Variants in AGBL1 observed in about 807,000 individuals in gnomAD.
AGBL1 encodes the protein cytosolic carboxypeptidase 4.
In AGBL1, 130 loss-of-function variants were observed where a neutral mutation model predicts 118.9. The ratio of observed to expected loss-of-function variants is 1.09; its 90% CI spans 0.95 to 1.26. AGBL1 has a LOEUF of 1.26. AGBL1 is among the 50% of genes most tolerant of loss of function. The pLI is 0.00. For synonymous variants in AGBL1, 555 were observed against 478.9 expected (o/e 1.16, Z -2.08); for missense variants, 1,584 against 1,298.1 (o/e 1.22, Z -3.38).
chr15:86,982,626 A>G (rs956028392), intron 23 of AGBL1, among the ~76,000 whole-genome samples: 1 of 152,180 alleles, frequency 6.6e-6, no homozygotes, highest in African/African-American at 2.4e-5. Context: ...AGCCTACTCA[A>G]TGTGAAGAAA....
At chr15:86,148,042 G>A (rs1471125409) in intron 3 of AGBL1, among the ~76,000 whole-genome samples, 1 of 152,212 alleles carries the variant, frequency 6.6e-6, no homozygotes, top group East Asian at 1.9e-4. Context: ...TGAGGGACCT[G>A]ACTGTCAGGA....
intron 2 of AGBL1, among the ~76,000 whole-genome samples, chr15:86,142,948 G>A (rs973502862): frequency 1.3e-5 from 2 of 152,154 alleles, no homozygotes; most frequent in African/African-American, 2.4e-5. Context: ...TCAGATGGTC[G>A]TCTTTGATAA....
intron 21 of AGBL1, among the ~76,000 whole-genome samples, chr15:86,586,466 G>T (rs899938779): frequency 6.6e-6 from 1 of 152,106 alleles, no homozygotes; most frequent in African/African-American, 2.4e-5. Context: ...GAAAATTAGG[G>T]CAGAGAATAG....
At chr15:86,821,487 G>A (rs1333323276) in intron 22 of AGBL1, among the ~76,000 whole-genome samples, 1 of 152,002 alleles carries the variant, frequency 6.6e-6, no homozygotes, top group Non-Finnish European at 1.5e-5. Flanking sequence ...AACAGAGAGG[G>A]AATGGAATAC....
At chr15:86,655,476 A>C (rs2085447832) in intron 21 of AGBL1, among the ~76,000 whole-genome samples, 1 of 152,166 alleles carries the variant, frequency 6.6e-6, no homozygotes, top group African/African-American at 2.4e-5. Flanking sequence ...GGTAATCAAT[A>C]ATTTCCCGTT....
At chr15:86,597,005 A>G (rs910129173) in intron 21 of AGBL1, among the ~76,000 whole-genome samples, 2 of 152,222 alleles carry the variant, frequency 1.3e-5, no homozygotes, top group South Asian at 4.1e-4. Flanking sequence ...ATAAATTCAC[A>G]TGGAATAAAT....
intron 1 of AGBL1, among the ~76,000 whole-genome samples, chr15:86,126,015 G>T (rs1005008118): frequency 6.6e-6 from 1 of 152,046 alleles, no homozygotes; most frequent in Non-Finnish European, 1.5e-5. Flanking sequence ...CTGGCTAATT[G>T]CCAAACATTC....
rs544258461 is a variant in AGBL1 at position 86,914,591 on chromosome 15, G to A, written c.*7297G>A. On this transcript the variant is annotated 3_prime_UTR_variant, in exon 23 of 23. Transcript: ENST00000614907. ...GTATCTATAATAGTCTAAGACCATC[G>A]CAGGTGTCATCATGTTTAAGCCTAA... 2.0e-5 allele frequency: 3 copies of A among 152,236 alleles called. No individual in the cohort carries two copies. Among genetic ancestry groups the A allele is most frequent in the South Asian group, 2.1e-4 (1 of 4,818 alleles). The allele number at this position is 152,236 out of a possible 1,614,324, so 9.4% of individuals were successfully genotyped here.
At chr15:86,954,720 C>G (rs767093036) in intron 23 of AGBL1, among the ~76,000 whole-genome samples, 1 of 152,138 alleles carries the variant, frequency 6.6e-6, no homozygotes. Flanking sequence ...CCCTGGGTGA[C>G]AAGATCCATT....
intron 16 of AGBL1, among the ~76,000 whole-genome samples, chr15:86,293,239 C>T (rs149469982): frequency 7.2e-5 from 11 of 152,262 alleles, no homozygotes; most frequent in African/African-American, 2.4e-4. Flanking sequence ...TCAACAGGAA[C>T]AGGTACTTTT....
intron 22 of AGBL1, among the ~76,000 whole-genome samples, chr15:86,790,454 A>T (rs1205638963): frequency 6.6e-6 from 1 of 151,926 alleles, no homozygotes; most frequent in African/African-American, 2.4e-5. Flanking sequence ...CCTCTATCTT[A>T]ATAGGTGTTT....
intron 21 of AGBL1, among the ~76,000 whole-genome samples, chr15:86,603,765 G>A (rs762840327): frequency 1.6e-4 from 24 of 152,136 alleles, no homozygotes; most frequent in Admixed American, 3.9e-4. Context: ...AAATGTGAAA[G>A]CTTATCCTTT....
At chr15:86,823,304 C>A (rs80116056) in intron 22 of AGBL1, among the ~76,000 whole-genome samples, 1 of 152,042 alleles carries the variant, frequency 6.6e-6, no homozygotes, top group African/African-American at 2.4e-5. Context: ...GGACATTGGA[C>A]GAATATGTCT....
chr15:86,271,824 G>A, intron 15 of AGBL1, 118 bp downstream of exon 15: 1 of 975,856 alleles, frequency 1.0e-6, no homozygotes, highest in South Asian at 1.5e-5. Flanking sequence ...TAAACTTTTT[G>A]TCACTCTGTC....
intron 21 of AGBL1, among the ~76,000 whole-genome samples, chr15:86,578,786 C>T (rs142358354): frequency 9.2e-5 from 14 of 152,272 alleles, no homozygotes; most frequent in South Asian, 2.1e-4. Flanking sequence ...ACGTGACTTG[C>T]GGCTCCTTGC....
At chr15:86,700,517 T>A (rs1044392180) in intron 22 of AGBL1, among the ~76,000 whole-genome samples, 3 of 148,176 alleles carry the variant, frequency 2.0e-5, no homozygotes, top group African/African-American at 7.5e-5. Flanking sequence ...ACACAAAATC[T>A]CTCTTGAAGT....
intron 5 of AGBL1, among the ~76,000 whole-genome samples, chr15:86,183,728 C>G (rs569087669): frequency 5.9e-5 from 9 of 152,254 alleles, no homozygotes; most frequent in African/African-American, 1.9e-4. Flanking sequence ...ATAATAAAAT[C>G]ACATTTTATG....
At chr15:86,180,040 A>T (rs983790917) in intron 5 of AGBL1, among the ~76,000 whole-genome samples, 1 of 140,512 alleles carries the variant, frequency 7.1e-6, no homozygotes, top group Admixed American at 7.3e-5. Flanking sequence ...TGTTGAAACA[A>T]ATGAAAGAAG....
intron 21 of AGBL1, among the ~76,000 whole-genome samples, chr15:86,625,446 A>G (rs1740253011): frequency 6.9e-6 from 1 of 145,958 alleles, no homozygotes; most frequent in Admixed American, 7.1e-5. Flanking sequence ...GAAGGTAATC[A>G]AAAGAGAATA....
Sources: gnomAD v4.1 joint callset for allele counts (sites outside exome capture counted in the v4.1 genomes callset) on GRCh38, gnomAD v4.1.1 for gene constraint, MANE v1.5 for transcripts, NCBI Gene and HGNC (gene_info 2026-07-23, HGNC 2026-07-21) for gene names.